The following PLXND1 variants were observed in gnomAD, a reference collection of about 807,000 sequenced individuals.
PLXND1 encodes the protein plexin D1, also known as plexin-D1.
In PLXND1, 54 loss-of-function variants were observed where a neutral mutation model predicts 197.7. The observed-to-expected ratio is 0.27, with a 90% CI of 0.22 to 0.34. The LOEUF (loss-of-function observed/expected upper bound fraction) is 0.34. Among genes scored for constraint, PLXND1 ranks in the 10% least tolerant of loss-of-function variants. The pLI is 1.00. For missense variants in PLXND1, 2,127 were observed against 2,699.2 expected (o/e 0.79, Z 4.70); for synonymous variants, 1,180 against 1,161.2 (o/e 1.02, Z -0.33).
chr3:129,567,036 G>C (rs1170965439), intron 22 of PLXND1, among the ~76,000 whole-genome samples: 3 of 151,754 alleles, frequency 2.0e-5, no homozygotes, highest in Non-Finnish European at 4.4e-5. Flanking sequence ...CTAGGAGGTA[G>C]AGTGAGGGTA....
At chr3:129,573,831 G>A (rs2085272399) in intron 12 of PLXND1, 86 bp from the exon 13 acceptor site, 3 of 1,463,330 alleles carry the variant, frequency 2.1e-6, no homozygotes, top group Non-Finnish European at 1.9e-6. Flanking sequence ...CACCCAGCAG[G>A]GCACAGCCGT....
chr3:129,592,233 C>A (rs890231650), intron 1 of PLXND1, among the ~76,000 whole-genome samples: 2 of 152,178 alleles, frequency 1.3e-5, no homozygotes, highest in Non-Finnish European at 2.9e-5. Context: ...TCCCCAGCTG[C>A]CCCAACCAGG....
At chr3:129,566,755 C>T (rs914008681) in intron 22 of PLXND1, 124 bp from the exon 23 acceptor site, 12 of 611,166 alleles carry the variant, frequency 2.0e-5, no homozygotes, top group Non-Finnish European at 2.6e-5. Context: ...GAATTAGCTC[C>T]CCATAAAGGA....
Position 129,559,603 on chromosome 3 carries a change from GC to G in PLXND1, c.5297+16del, listed in dbSNP as rs60442867. The G allele has an allele frequency of 0.14, 227,064 of 1,575,558 alleles. 17,726 individuals carry two copies. The highest frequency in any genetic ancestry group is 0.27 in the African/African-American group (20,156 of 74,204). ...CCAGTGGCACAGTGAAGTCCACACG[GC>G]CCCCCCACCCGCCACCTGTTGGTCT... is the stretch of plus-strand genomic sequence containing the variant. On this transcript the variant is annotated intron_variant, in intron 32 of 35. Transcript: ENST00000324093.
intron 8 of PLXND1, 84 bp from the exon 9 acceptor site, chr3:129,578,517 G>A: frequency 1.3e-6 from 1 of 789,288 alleles, no homozygotes; most frequent in East Asian, 2.7e-5. Context: ...AGCCTGCCTG[G>A]TTCAGTCCTG....
At chr3:129,593,161 C>T (rs114939413) in intron 1 of PLXND1, among the ~76,000 whole-genome samples, 3,070 of 152,236 alleles carry the variant, frequency 0.02, 94 homozygotes, top group African/African-American at 0.066. Context: ...TACCTACAAC[C>T]CAGCTCCTGG....
In PLXND1 at chr3:129,557,070, C is replaced by T. The variant is rs187773628; in HGVS notation, c.5586+13G>A. 138 of 1,613,196 alleles carry T rather than the reference C, an allele frequency of 8.6e-5. No homozygotes were observed. In the East Asian group the frequency reaches 2.5e-3, roughly 29 times the overall value. On this transcript the variant is annotated intron_variant, in intron 34 of 35. Transcript: ENST00000324093. This position sits in a 1 kb window ranked among gnomAD's most constrained non-coding sequence, Gnocchi z 4.8. ...TCTTCAGGCCCCCATCCCCCGCCGCCGAGCCACCGCACCCTCGACTCCTCG... is the reference window on the plus strand; with the variant it reads ...TCTTCAGGCCCCCATCCCCCGCCGCTGAGCCACCGCACCCTCGACTCCTCG...
intron 29 of PLXND1, among the ~76,000 whole-genome samples, chr3:129,561,371 C>T (rs2085057166): frequency 6.6e-6 from 1 of 152,234 alleles, no homozygotes; most frequent in Non-Finnish European, 1.5e-5. Context: ...GGCCCCCCTT[C>T]TGGCCTGGCT....
Position 129,572,638 on chromosome 3 carries a change from C to G in PLXND1, c.3048G>C (p.Val1016=). ...LHVGSELQVL[V]NDTDPCTELM... ...GCTCCGTGCAGGGGTCTGTGTCGTT[C>G]ACCAGGACCTGGAGCTCGGAGCCTA... Residue 1016 remains valine, a synonymous_variant, in exon 15 of 36, where the codon GTG becomes GTC. Coordinates refer to ENST00000324093, the MANE Select transcript of PLXND1 (RefSeq NM_015103.3). The G allele has an allele frequency of 1.3e-6, 2 of 1,593,392 alleles. No individual in the cohort carries two copies. Among genetic ancestry groups the G allele is most frequent in the Non-Finnish European group, 1.7e-6 (2 of 1,169,756 alleles).
Position 129,589,477 on chromosome 3 carries a change from C to G in PLXND1, c.1362G>C (p.Leu454=). 1 of 1,609,048 alleles carries G rather than the reference C, an allele frequency of 6.2e-7. No individual in the cohort carries two copies. Among genetic ancestry groups the G allele is most frequent in the Non-Finnish European group, 8.5e-7 (1 of 1,178,334 alleles). ...DCGAAHLQHP[L]SILQPLKATP... The stretch of plus-strand genomic sequence containing the variant: ...TGGCCTTCAGGGGCTGCAGGATGGA[C>G]AGCGGGTGCTGCAGGTGAGCAGCTC... The change falls in exon 2 of 36, where the codon CTG becomes CTC. Residue 454 remains leucine (L), a synonymous_variant. Coordinates refer to ENST00000324093, the MANE Select transcript of PLXND1 (RefSeq NM_015103.3).
intron 3 of PLXND1, 61 bp from the exon 4 acceptor site, chr3:129,586,333 G>GT: frequency 7.5e-7 from 1 of 1,326,496 alleles, no homozygotes; most frequent in South Asian, 1.3e-5. Flanking sequence ...TGGGGAGGTG[G>GT]TACGGTCAGC....
chr3:129,605,311 G>GCCA lies in PLXND1; in HGVS notation c.1311+15_1311+17dup, dbSNP rs758492592. 7.6e-5 allele frequency: 91 copies of GCCA among 1,192,170 alleles called. No homozygotes were observed. The highest frequency in any genetic ancestry group is 2.6e-4 in the Admixed American group (6 of 22,968). 73.8% of individuals were successfully genotyped at this position (1,192,170 alleles called of 1,614,324 possible). ...CGCCGCCGCCGCCGCCGCCGCCGCC[G>GCCA]CCACCGCCCGGGTGTACCTGGATGT... On this transcript the variant is annotated intron_variant, in intron 1 of 35. Coordinates refer to ENST00000324093, the MANE Select transcript of PLXND1 (RefSeq NM_015103.3).
chr3:129,557,131 C>T lies in PLXND1; in HGVS notation c.5538G>A (p.Thr1846=), dbSNP rs778694584. ...QRYYKQIQDM[T]PLSEQEMNAH... ...CATTCATCTCTTGCTCGCTGAGCGG[C>T]GTCATGTCCTGGATCTGCTTGTAGT... The change falls in exon 34 of 36, where the codon ACG becomes ACA. Residue 1846 remains threonine (T), a synonymous_variant. Coordinates refer to ENST00000324093, the MANE Select transcript of PLXND1 (RefSeq NM_015103.3). The surrounding 1 kb of genome is among the most constrained non-coding windows in gnomAD (Gnocchi z 4.8). 7 of 1,614,102 alleles carry T rather than the reference C, an allele frequency of 4.3e-6. No individual in the cohort carries two copies. Among genetic ancestry groups the T allele is most frequent in the Non-Finnish European group, 5.1e-6 (6 of 1,180,026 alleles).
rs752282714 is a variant in PLXND1 at position 129,556,443 on chromosome 3, G to C, written c.5662-15C>G. 6.3e-7 allele frequency: 1 copy of C among 1,597,044 alleles called. No individual in the cohort carries two copies. The highest frequency in any genetic ancestry group is 8.6e-7 in the Non-Finnish European group (1 of 1,164,594). ...GCGGCCATGATCTGAGGGGAGCAGC[G>C]GAGTCAGCCGGGCCATGGCCGGTAG... On this transcript the variant is annotated splice_polypyrimidine_tract_variant and intron_variant, in intron 35 of 35. Coordinates refer to ENST00000324093, the MANE Select transcript of PLXND1 (RefSeq NM_015103.3).
At position 129,556,333 on chromosome 3, in the gene PLXND1, G is replaced by C. The variant is rs369498963; in HGVS notation, c.5757C>G (p.Tyr1919Ter). The change falls in exon 36 of 36, where the codon TAC (tyrosine) becomes TAG (stop). Residue 1919 changes from tyrosine to a stop codon, truncating the protein, a stop_gained. Coordinates refer to ENST00000324093, the MANE Select transcript of PLXND1 (RefSeq NM_015103.3). LOFTEE classifies it high-confidence loss of function. ...TGTCTCAGGCCTCACTGTAGCACTC[G>C]TAGATGTTGTCCTCCATCAAAGCCA... ...QVVALMEDNI[Y>*]ECYSEA The C allele has an allele frequency of 3.8e-5, 61 of 1,612,138 alleles. No homozygotes were observed. Among genetic ancestry groups the C allele is most frequent in the Non-Finnish European group, 4.9e-5 (58 of 1,178,248 alleles).
chr3:129,570,669 G>A (rs1296830430), intron 19 of PLXND1, 117 bp downstream of exon 19: 1 of 983,532 alleles, frequency 1.0e-6, no homozygotes, highest in Non-Finnish European at 1.6e-6. Context: ...TTGCTGGACT[G>A]AGCTGTTGAG....
intron 7 of PLXND1, 56 bp downstream of exon 7, chr3:129,584,069 C>A: frequency 1.7e-5 from 20 of 1,164,738 alleles, no homozygotes; most frequent in Non-Finnish European, 2.5e-5. Context: ...AAAGACCCTT[C>A]CCGGGGATGC....
chr3:129,573,883 G>T, intron 12 of PLXND1, 138 bp from the exon 13 acceptor site: 1 of 956,138 alleles, frequency 1.0e-6, no homozygotes, highest in Non-Finnish European at 1.5e-6. Context: ...GCTCAGGTGG[G>T]GCTGGGACTG....
Position 129,556,620 on chromosome 3 carries a change from C to T in PLXND1, c.5658G>A (p.Pro1886=), listed in dbSNP as rs755134184. The T allele has an allele frequency of 1.4e-5, 22 of 1,610,440 alleles. No homozygotes were observed. Among genetic ancestry groups the T allele is most frequent in the African/African-American group, 8.0e-5 (6 of 74,870 alleles). Residue 1886 remains proline, a synonymous_variant, in exon 35 of 36, where the codon CCG becomes CCA. Coordinates refer to ENST00000324093, the MANE Select transcript of PLXND1 (RefSeq NM_015103.3). ...TGCCTCACCCTGGGGCACTCACCTG[C>T]GGCCGATACCTCTTGGCGTACTTAT... ...EIYKYAKRYR[P]QIMAALEANP... is the part of the protein sequence containing the mutation.
Sources: gnomAD v4.1 joint callset for allele counts (sites outside exome capture counted in the v4.1 genomes callset) on GRCh38, gnomAD v4.1.1 for gene constraint, Gnocchi (gnomAD v3.1) non-coding constraint, MANE v1.5 for transcripts, NCBI Gene and HGNC (gene_info 2026-07-23, HGNC 2026-07-21) for gene names.